ADSS1: variants seen among roughly 807,000 people sequenced by gnomAD.
The protein encoded by ADSS1 is adenylosuccinate synthetase isozyme 1.
ADSS1 carries 57 observed loss-of-function variants against 59.1 expected under a neutral mutation model. The ratio of observed to expected loss-of-function variants is 0.97; its 90% CI spans 0.78 to 1.20. The LOEUF is 1.20. Among genes scored for constraint, ADSS1 ranks in the 50% most tolerant of loss-of-function variants. The pLI is 0.00. For synonymous variants in ADSS1, 247 were observed against 249.4 expected (o/e 0.99, Z 0.09); for missense variants, 603 against 610.3 (o/e 0.99, Z 0.13).
chr14:104,731,084 G>A (rs1451540268), intron 1 of ADSS1, among the ~76,000 whole-genome samples: 3 of 151,536 alleles, frequency 2.0e-5, no homozygotes, highest in African/African-American at 7.3e-5. Flanking sequence ...GGGGCCACCA[G>A]GCTCCCTTGG....
At chr14:104,725,009 G>T (rs1336490880) in intron 1 of ADSS1, among the ~76,000 whole-genome samples, 1 of 152,178 alleles carries the variant, frequency 6.6e-6, no homozygotes, top group Non-Finnish European at 1.5e-5. Context: ...GTGGAAGGGG[G>T]CCAGGCCGTC....
At chr14:104,744,391 ACT>A (rs1891480090) in intron 10 of ADSS1, 1 of 170,800 alleles carries the variant, frequency 5.9e-6, no homozygotes, top group Non-Finnish European at 1.3e-5. Flanking sequence ...GCAGTCCCTA[ACT>A]TTTTTGGCAC....
rs1487983795 is a variant in ADSS1, at chr14:104,741,124, C to T, written c.674C>T (p.Ala225Val). ...CTTGGCCCTTCCTTGCAGGGCTTTG[C>T]TGAGCGGATCAGACCCATGGTCCGA... The part of the protein sequence containing the change: ...EGQLKRLKGF[A>V]ERIRPMVRDG... Residue 225 changes from alanine to valine, a missense_variant, in exon 8 of 13, where the codon GCT becomes GTT. By Grantham distance (64) the Ala-to-Val change is moderately conservative (BLOSUM62 0). Transcript: ENST00000330877. 9 of 1,602,478 alleles carry T rather than the reference C, an allele frequency of 5.6e-6. No homozygotes were observed. In the Admixed American group the frequency reaches 1.5e-4, roughly 27 times the overall value.
chr14:104,745,164 C>T (rs1891509999), intron 11 of ADSS1: 1 of 446,304 alleles, frequency 2.2e-6, no homozygotes. Context: ...CTCAGGGGGA[C>T]AGACTACTCG....
At chr14:104,738,485 C>G (rs1230056896) in intron 3 of ADSS1, 47 bp downstream of exon 3, 2 of 1,601,728 alleles carry the variant, frequency 1.2e-6, no homozygotes, top group African/African-American at 1.3e-5. Context: ...ACGCGGTGCC[C>G]TGAGCGGTTG....
Position 104,735,087 on chromosome 14 carries a change from G to T in ADSS1, c.260G>T (p.Ser87Ile). 6.2e-7 allele frequency: 1 copy of T among 1,613,248 alleles called. No homozygotes were observed. The highest frequency in any genetic ancestry group is 8.5e-7 in the Non-Finnish European group (1 of 1,179,564). ...GAGTACGACTTCCACCTGCTGCCCAGCGGCATCATCAACACCAAGGCCGTG... is the reference window on the plus strand; with the variant it reads ...GAGTACGACTTCCACCTGCTGCCCATCGGCATCATCAACACCAAGGCCGTG... ...GKEYDFHLLP[S>I]GIINTKAVSF... Residue 87 changes from serine (S) to isoleucine (I), a missense_variant, in exon 2 of 13, where the codon AGC becomes ATC. Ser to Ile is a moderately radical substitution (Grantham distance 142). Coordinates refer to ENST00000330877, the MANE Select transcript of ADSS1 (RefSeq NM_152328.5).
At chr14:104,727,327 C>T (rs1890742965) in intron 1 of ADSS1, among the ~76,000 whole-genome samples, 1 of 152,094 alleles carries the variant, frequency 6.6e-6, no homozygotes, top group Non-Finnish European at 1.5e-5. Flanking sequence ...CTGACCACAC[C>T]CCCACCTCAC....
chr14:104,729,390 G>A (rs76729677), intron 1 of ADSS1, among the ~76,000 whole-genome samples: 1 of 152,340 alleles, frequency 6.6e-6, no homozygotes, highest in East Asian at 1.9e-4. Flanking sequence ...TGCAGGGGCA[G>A]GGCATGCGCC....
chr14:104,739,870 G>A (rs1268844352), intron 5 of ADSS1, 54 bp downstream of exon 5: 38 of 1,583,922 alleles, frequency 2.4e-5, no homozygotes, highest in South Asian at 4.4e-5. Flanking sequence ...CCCGTAAGCC[G>A]GTAGACTGTG....
chr14:104,741,507 G>A (rs559818631), intron 8 of ADSS1, among the ~76,000 whole-genome samples: 5 of 152,300 alleles, frequency 3.3e-5, no homozygotes, highest in African/African-American at 1.2e-4. Flanking sequence ...TGGCAAGGTG[G>A]GTCAGAGCCA....
chr14:104,736,596 A>G (rs1891132061), intron 2 of ADSS1, among the ~76,000 whole-genome samples: 1 of 152,166 alleles, frequency 6.6e-6, no homozygotes, highest in African/African-American at 2.4e-5. Flanking sequence ...AGCCTGTGCC[A>G]TGGCCAGCCT....
In ADSS1 at chr14:104,740,693, A is replaced by G. The variant is rs866479068; in HGVS notation, c.569A>G (p.Asp190Gly). 4 of 1,613,748 alleles carry G rather than the reference A, an allele frequency of 2.5e-6. No homozygotes were observed. In the African/African-American group the frequency reaches 4.0e-5, roughly 16 times the overall value. ...ATCTGCGACCTCCTGTCAGATTTTG[A>G]TGAGTTTTCCTCCAGGTACCTGAGC... ...LRICDLLSDFDEFSSRFKNLA... is the reference protein window; with the variant it reads ...LRICDLLSDFGEFSSRFKNLA... The change falls in exon 6 of 13, where the codon GAT becomes GGT. Residue 190 changes from aspartate to glycine, a missense_variant. Asp to Gly is a moderately conservative substitution (Grantham distance 94). Coordinates refer to ENST00000330877, the MANE Select transcript of ADSS1 (RefSeq NM_152328.5). This position sits in a 1 kb window ranked among gnomAD's most constrained non-coding sequence, Gnocchi z 4.8.
intron 3 of ADSS1, 101 bp from the exon 4 acceptor site, chr14:104,739,227 C>T (rs1416784365): frequency 1.5e-6 from 2 of 1,299,984 alleles, no homozygotes; most frequent in Middle Eastern, 2.4e-4. Context: ...GCATGCCTTA[C>T]CTGGATGGGA....
chr14:104,726,806 C>T (rs530888627), intron 1 of ADSS1, among the ~76,000 whole-genome samples: 6 of 152,312 alleles, frequency 3.9e-5, no homozygotes, highest in South Asian at 2.1e-4. Flanking sequence ...CGGGCTGGGC[C>T]GCATCTGGGA....
rs750525941 is a variant in ADSS1 at position 104,740,647 on chromosome 14, G to A, written c.523G>A (p.Ala175Thr). 1 of 1,613,906 alleles carries A rather than the reference G, an allele frequency of 6.2e-7. No homozygotes were observed. Among genetic ancestry groups the A allele is most frequent in the Admixed American group, 1.7e-5 (1 of 60,008 alleles). Residue 175 changes from alanine to threonine, a missense_variant, in exon 6 of 13, where the codon GCT becomes ACT. Physicochemically the swap from Ala to Thr is moderately conservative, Grantham distance 58. Coordinates refer to ENST00000330877, the MANE Select transcript of ADSS1 (RefSeq NM_152328.5). This position sits in a 1 kb window ranked among gnomAD's most constrained non-coding sequence, Gnocchi z 4.8. ...AATCGGACCAACCTACTCTTCCAAA[G>A]CTGCCCGGACAGGCCTCCGCATCTG... Reference protein sequence around the residue: ...KGIGPTYSSKAARTGLRICDL... With the variant: ...KGIGPTYSSKTARTGLRICDL...
At position 104,742,003 on chromosome 14, in the gene ADSS1, G is replaced by GT; in HGVS notation, c.948+2dup. Reference sequence around the variant, plus strand: ...GGCCTTCCCCACCGAGCAGATCAACGTGAGTCCCCAGCCCCTCGGGACCCC... The same window carrying GT: ...GGCCTTCCCCACCGAGCAGATCAACGTTGAGTCCCCAGCCCCTCGGGACCCC... On this transcript the variant is annotated splice_donor_variant, in intron 9 of 12. Transcript: ENST00000330877. LOFTEE classifies it high-confidence loss of function. 11 of 1,612,688 alleles carry GT rather than the reference G, an allele frequency of 6.8e-6. No homozygotes were observed. The highest frequency in any genetic ancestry group is 9.3e-6 in the Non-Finnish European group (11 of 1,179,830).
chr14:104,725,578 A>G (rs4432208), intron 1 of ADSS1, among the ~76,000 whole-genome samples: 85,971 of 151,972 alleles, frequency 0.57, 25,788 homozygotes, highest in African/African-American at 0.76. Context: ...TTCCTGGAAC[A>G]GTGGGGGACC....
Position 104,746,498 on chromosome 14 carries a change from G to A in ADSS1, c.1321+113G>A, listed in dbSNP as rs566077857. On this transcript the variant is annotated intron_variant, in intron 12 of 12. Transcript: ENST00000330877. ...AGAAAACCAAGTGTGGTCACCAAGC[G>A]AATATATTGCATGGCAGGAGGGGAG... is the stretch of plus-strand genomic sequence containing the variant. 15 of 1,380,792 alleles carry A rather than the reference G, an allele frequency of 1.1e-5. No homozygotes were observed. In the South Asian group the frequency reaches 1.1e-4, roughly 11 times the overall value. 85.5% of individuals were successfully genotyped at this position (1,380,792 alleles called of 1,614,324 possible). A position where few individuals can be genotyped will look rare whatever the true frequency, so the allele number is the denominator to read the frequency against.
In ADSS1 at chr14:104,747,136, C is replaced by A; in HGVS notation, c.*133C>A. The A allele has an allele frequency of 2.7e-6, 2 of 751,558 alleles. No individual in the cohort carries two copies. The highest frequency in any genetic ancestry group is 2.6e-5 in the South Asian group (1 of 38,242). 46.6% of individuals were successfully genotyped at this position (751,558 alleles called of 1,614,324 possible). On this transcript the variant is annotated 3_prime_UTR_variant, in exon 13 of 13. Transcript: ENST00000330877. ...TTTTCTGTACTTTTATATTTCTGTTCAACCTGTTGGTTTCTACAATGATTT... is the reference window on the plus strand; with the variant it reads ...TTTTCTGTACTTTTATATTTCTGTTAAACCTGTTGGTTTCTACAATGATTT...
Sources: gnomAD v4.1 joint callset for allele counts (sites outside exome capture counted in the v4.1 genomes callset) on GRCh38, gnomAD v4.1.1 for gene constraint, Gnocchi (gnomAD v3.1) non-coding constraint, MANE v1.5 for transcripts, NCBI Gene and HGNC (gene_info 2026-07-23, HGNC 2026-07-21) for gene names.